Variants in IK observed in about 807,000 individuals in gnomAD.
The protein encoded by IK is protein Red.
Under a neutral mutation model 90.9 loss-of-function variants are expected in IK, and 47 were observed. The ratio of observed to expected loss-of-function variants is 0.52; its 90% confidence interval spans 0.41 to 0.66. IK has a LOEUF of 0.66. IK is among the 30% of genes least tolerant of loss of function. The pLI is 0.00. For missense variants in IK, 385 were observed against 709.3 expected (o/e 0.54, Z 5.19); for synonymous variants, 201 against 227.5 (o/e 0.88, Z 1.05).
At chr5:140,658,661 A>G in intron 10 of IK, 76 bp from the exon 11 acceptor site, 1 of 1,197,312 alleles carries the variant, frequency 8.4e-7, no homozygotes, top group Non-Finnish European at 1.2e-6. Context: ...AAGGGCATTA[A>G]GAGCTGGAGA....
In IK at chr5:140,659,112, A is replaced by G. The variant is rs1482709379; in HGVS notation, c.1124A>G (p.Glu375Gly). The G allele has an allele frequency of 1.2e-6, 2 of 1,605,626 alleles. No individual in the cohort carries two copies. Among genetic ancestry groups the G allele is most frequent in the East Asian group, 4.5e-5 (2 of 44,580 alleles). The change falls in exon 12 of 20, where the codon GAA (glutamate) becomes GGA (glycine). Residue 375 changes from glutamate to glycine, a missense_variant. By Grantham distance (98) the Glu-to-Gly change is moderately conservative. This residue lies in a region of IK where 139 missense variants were observed against 172.0 expected (regional missense o/e 0.81). Coordinates refer to ENST00000417647, the MANE Select transcript of IK (RefSeq NM_006083.4). ...GAGCGAGAGCGGGACCGAGAGAGAG[A>G]AGAGGAAAAGAAGAGACACAGCTAC... ...ERERERDRER[E>G]EEKKRHSYFE...
At chr5:140,658,617 G>A in intron 10 of IK, 120 bp from the exon 11 acceptor site, 2 of 863,152 alleles carry the variant, frequency 2.3e-6, no homozygotes, top group East Asian at 2.7e-5. Context: ...ACCGCACCCA[G>A]CCTTGACCCA....
intron 9 of IK, among the ~76,000 whole-genome samples, chr5:140,656,993 T>C (rs1046507177): frequency 6.6e-6 from 1 of 152,130 alleles, no homozygotes; most frequent in Non-Finnish European, 1.5e-5. Context: ...TGAGGATCAC[T>C]TGAGGTTAGG....
intron 2 of IK, 119 bp downstream of exon 2, chr5:140,648,656 G>A: frequency 1.0e-6 from 1 of 996,884 alleles, no homozygotes; most frequent in Non-Finnish European, 1.6e-6. Flanking sequence ...TATACCCGCT[G>A]GCCCTTTATC....
At chr5:140,653,613 T>G (rs1418766357) in intron 5 of IK, among the ~76,000 whole-genome samples, 1 of 147,516 alleles carries the variant, frequency 6.8e-6, no homozygotes, top group Non-Finnish European at 1.5e-5. Flanking sequence ...CCCCCTTTTT[T>G]TTTTTTTGGA....
chr5:140,650,114 TC>T (rs1757589411), intron 2 of IK, among the ~76,000 whole-genome samples: 1 of 152,114 alleles, frequency 6.6e-6, no homozygotes, highest in Non-Finnish European at 1.5e-5. Flanking sequence ...AACAAAGAAA[TC>T]AACCACCGCT....
At chr5:140,660,299 T>C (rs1757782662) in intron 15 of IK, 104 bp downstream of exon 15, 3 of 569,994 alleles carry the variant, frequency 5.3e-6, no homozygotes, top group Admixed American at 6.8e-5. Flanking sequence ...CTTCTTTTTT[T>C]TTTTTTTTTT....
chr5:140,648,057 T>C (rs1757521381), intron 1 of IK, 133 bp downstream of exon 1: 1 of 996,212 alleles, frequency 1.0e-6, no homozygotes, highest in South Asian at 1.3e-5. Flanking sequence ...TGTATGTATG[T>C]GTGACGCTTG....
chr5:140,654,853 T>G, intron 8 of IK, 126 bp downstream of exon 8: 2 of 715,092 alleles, frequency 2.8e-6, no homozygotes, highest in Non-Finnish European at 4.7e-6. Context: ...TTTGAGACAG[T>G]GTCTCACTTA....
chr5:140,648,741 G>GTTTTTTTT, intron 2 of IK: 1 of 466,378 alleles, frequency 2.1e-6, no homozygotes, highest in Admixed American at 3.8e-5. Flanking sequence ...AAGGTGTTAA[G>GTTTTTTTT]TTTTTTTTTT....
intron 2 of IK, among the ~76,000 whole-genome samples, chr5:140,650,703 AG>A (rs1354335548): frequency 6.6e-6 from 1 of 151,984 alleles, no homozygotes; most frequent in Non-Finnish European, 1.5e-5. Flanking sequence ...CAGCCTCCTG[AG>A]TAGCTAGGAT....
At chr5:140,648,831 T>C in intron 2 of IK, 1 of 374,980 alleles carries the variant, frequency 2.7e-6, no homozygotes, top group Admixed American at 4.4e-5. Context: ...GAAATAAGGG[T>C]AAAATCATCT....
chr5:140,648,032 GTGTGTGTGTGTGTA>G, intron 1 of IK, 108 bp downstream of exon 1: 1 of 1,059,696 alleles, frequency 9.4e-7, no homozygotes, highest in Non-Finnish European at 1.4e-6. Context: ...GTGTGTGTGT[GTGTGTGTGTGTGTA>G]TGTATGTATG....
rs747495244 is a variant in IK at position 140,662,333 on chromosome 5, C to T, written c.*4C>T. 2.6e-5 allele frequency: 42 copies of T among 1,613,666 alleles called. 1 individual carries two copies. In the South Asian group the frequency reaches 4.4e-4, roughly 17 times the overall value. ...AGTCAAAAGACCAAAATACTAATCA[C>T]TAGTTACAACCAGAGATGCTCCACA... On this transcript the variant is annotated 3_prime_UTR_variant, in exon 20 of 20. Coordinates refer to ENST00000417647, the MANE Select transcript of IK (RefSeq NM_006083.4).
chr5:140,661,397 C>T lies in IK; in HGVS notation c.1414-223C>T, dbSNP rs1164088290. 1.4e-5 allele frequency: 7 copies of T among 507,892 alleles called. No homozygotes were observed. Among genetic ancestry groups the T allele is most frequent in the Non-Finnish European group, 2.1e-5 (6 of 284,884 alleles). 31.5% of individuals were successfully genotyped at this position (507,892 alleles called of 1,614,324 possible). ...AAAATGGAGAGAAATATAGTTCCCTCTTCATAGATTTTATGAGAATTAAGT... is the reference window on the plus strand; with the variant it reads ...AAAATGGAGAGAAATATAGTTCCCTTTTCATAGATTTTATGAGAATTAAGT... On this transcript the variant is annotated intron_variant, in intron 16 of 19. Coordinates refer to ENST00000417647, the MANE Select transcript of IK (RefSeq NM_006083.4). The surrounding 1 kb of genome is among the most constrained non-coding windows in gnomAD (Gnocchi z 4.2).
At chr5:140,655,010 T>C (rs1221813088) in intron 8 of IK, among the ~76,000 whole-genome samples, 4 of 152,016 alleles carry the variant, frequency 2.6e-5, no homozygotes, top group Admixed American at 6.6e-5. Context: ...GATGGGGTTC[T>C]CTGTGTATTG....
chr5:140,650,485 T>G (rs1757597128), intron 2 of IK, among the ~76,000 whole-genome samples: 1 of 152,240 alleles, frequency 6.6e-6, no homozygotes, highest in Admixed American at 6.5e-5. Flanking sequence ...TCTTGTACCA[T>G]TAGTGCTGTC....
chr5:140,659,679 GT>G, intron 13 of IK, 76 bp from the exon 14 acceptor site: 2 of 917,890 alleles, frequency 2.2e-6, no homozygotes, highest in South Asian at 2.9e-5. Flanking sequence ...CCTTAAAAAT[GT>G]TTTTTAAGTG....
At chr5:140,654,099 C>T (rs779587204) in intron 6 of IK, 47 bp downstream of exon 6, 1 of 1,060,996 alleles carries the variant, frequency 9.4e-7, no homozygotes, top group South Asian at 1.3e-5. Context: ...GTGCTGAATG[C>T]TCTTGTATGG....
Sources: allele counts gnomAD v4.1 joint callset (sites outside exome capture counted in the v4.1 genomes callset), GRCh38; gene constraint gnomAD v4.1.1; regional missense constraint gnomAD v4.1.1; non-coding constraint Gnocchi (gnomAD v3.1); transcripts MANE v1.5; gene names NCBI Gene and HGNC (gene_info 2026-07-23, HGNC 2026-07-21).